The following AGPAT3 variants were observed in gnomAD, a reference collection of about 807,000 sequenced individuals.
AGPAT3 encodes 1-acyl-sn-glycerol-3-phosphate acyltransferase gamma.
In AGPAT3, 5 loss-of-function variants were observed where a neutral mutation model predicts 47.3. That is an observed-to-expected ratio of 0.11 (90% CI 0.06 to 0.22). The LOEUF is 0.22. Ranked by LOEUF, AGPAT3 falls within the 10% of genes least tolerant of loss-of-function variation. The pLI is 1.00. For synonymous variants in AGPAT3, 212 were observed against 208.3 expected, an observed-to-expected ratio of 1.02 and a Z score of -0.15; for missense variants, 315 against 493.0, an observed-to-expected ratio of 0.64 and a Z score of 3.42.
chr21:43,890,821 T>C (rs956942160), intron 1 of AGPAT3, among the ~76,000 whole-genome samples: 4 of 151,748 alleles, frequency 2.6e-5, no homozygotes, highest in Admixed American at 1.3e-4. Context: ...CACTGCAACC[T>C]CTACCTCCCA....
rs2087375912 is a variant in AGPAT3 at position 43,934,778 on chromosome 21, C to T, written c.-48-24856C>T. Among the ~76,000 whole-genome samples, 1 of 152,006 alleles carries T rather than the reference C, an allele frequency of 6.6e-6. No individual in the cohort carries two copies. Among genetic ancestry groups the T allele is most frequent in the Non-Finnish European group, 1.5e-5 (1 of 67,974 alleles). On this transcript the variant is annotated intron_variant, in intron 2 of 9. Coordinates refer to ENST00000291572, the MANE Select transcript of AGPAT3 (RefSeq NM_020132.5). This position sits in a 1 kb window ranked among gnomAD's most constrained non-coding sequence, Gnocchi z 4.7. ...CACGTGCTGCCATATCACATCACGC[C>T]ACCCACGCCACTCACACGCCACCCA... is the stretch of plus-strand genomic sequence containing the variant.
chr21:43,951,896 G>A (rs1011086792), intron 2 of AGPAT3, among the ~76,000 whole-genome samples: 2 of 152,166 alleles, frequency 1.3e-5, no homozygotes, highest in South Asian at 2.1e-4. Context: ...AGGCGTCTTC[G>A]GAAAGGTTGG....
intron 2 of AGPAT3, among the ~76,000 whole-genome samples, chr21:43,956,339 C>G (rs755288614): frequency 9.8e-5 from 15 of 152,318 alleles, no homozygotes; most frequent in Non-Finnish European, 1.9e-4. Context: ...TGGACTGGCA[C>G]TGGCTCTACT....
At chr21:43,960,722 G>A in intron 3 of AGPAT3, 2 of 985,380 alleles carry the variant, frequency 2.0e-6, no homozygotes, top group Non-Finnish European at 2.4e-6. Context: ...ATCATGGAGA[G>A]CCTTCATCTT....
intron 1 of AGPAT3, among the ~76,000 whole-genome samples, chr21:43,883,551 G>A (rs1460561423): frequency 6.6e-6 from 1 of 152,140 alleles, no homozygotes; most frequent in Non-Finnish European, 1.5e-5. Flanking sequence ...GGAATAGCAA[G>A]CCTGGGTATT....
Position 43,932,758 on chromosome 21 carries a change from C to CT in AGPAT3, c.-48-26872dup, listed in dbSNP as rs1191386557. On this transcript the variant is annotated intron_variant, in intron 2 of 9. Transcript: ENST00000291572. The surrounding 1 kb of genome is among the most constrained non-coding windows in gnomAD (Gnocchi z 5.2). Reference sequence around the variant, plus strand: ...CTCCGCCTCTTGGGTTCAAGCGATTCTTTTGCTTCAGCCTCCCGAGTAGCT... The same window carrying CT: ...CTCCGCCTCTTGGGTTCAAGCGATTCTTTTTGCTTCAGCCTCCCGAGTAGCT... Among the ~76,000 whole-genome samples the CT allele has an allele frequency of 6.6e-6, 1 of 152,250 alleles. No homozygotes were observed. Among genetic ancestry groups the CT allele is most frequent in the Non-Finnish European group, 1.5e-5 (1 of 68,054 alleles).
At chr21:43,895,562 C>A (rs2086196933) in intron 1 of AGPAT3, among the ~76,000 whole-genome samples, 1 of 105,990 alleles carries the variant, frequency 9.4e-6, no homozygotes, top group Non-Finnish European at 2.0e-5. Context: ...TTGAATTCCT[C>A]TTTTGAATTT....
intron 2 of AGPAT3, among the ~76,000 whole-genome samples, chr21:43,923,312 C>G (rs1451838159): frequency 6.6e-6 from 1 of 152,214 alleles, no homozygotes; most frequent in East Asian, 1.9e-4. Context: ...GGGAAGCAGC[C>G]TGCGCTGATG....
In AGPAT3 at chr21:43,954,151, C is replaced by T. The variant is rs542998973; in HGVS notation, c.-48-5483C>T. ...CCAGGCCCCTCCCAATGCTTTCCTG[C>T]TCTGCCAGCCCAAAGGACTTTGAAG... On this transcript the variant is annotated intron_variant, in intron 2 of 9. Coordinates refer to ENST00000291572, the MANE Select transcript of AGPAT3 (RefSeq NM_020132.5). The surrounding 1 kb of genome is among the most constrained non-coding windows in gnomAD (Gnocchi z 4.0). 2.0e-5 allele frequency among the ~76,000 whole-genome samples: 3 copies of T among 152,386 alleles called. No homozygotes were observed. The highest frequency in any genetic ancestry group is 7.2e-5 in the African/African-American group (3 of 41,592).
intron 1 of AGPAT3, among the ~76,000 whole-genome samples, chr21:43,888,410 T>C (rs1458682162): frequency 6.6e-6 from 1 of 152,170 alleles, no homozygotes; most frequent in East Asian, 1.9e-4. Flanking sequence ...TATATATATA[T>C]ATGAAAGCTA....
intron 1 of AGPAT3, among the ~76,000 whole-genome samples, chr21:43,865,646 G>A (rs1050088873): frequency 2.8e-4 from 43 of 150,960 alleles, no homozygotes; most frequent in African/African-American, 1.0e-3. Flanking sequence ...CCTCGGTGGC[G>A]CTGGGCCCAG....
At chr21:43,980,910 G>T (rs2146947736) in intron 8 of AGPAT3, 79 bp from the exon 9 acceptor site, 2,990 of 1,057,586 alleles carry the variant, frequency 2.8e-3, no homozygotes, top group East Asian at 3.6e-3. Context: ...GTTTTTCATT[G>T]CCAACAATCT....
chr21:43,918,065 GGTTGTGGGTGTTGTGGGT>G (rs1483618456), intron 2 of AGPAT3, among the ~76,000 whole-genome samples: 5 of 144,172 alleles, frequency 3.5e-5, no homozygotes, highest in Non-Finnish European at 1.5e-5. Flanking sequence ...TGGGTGTTGG[GGTTGTGGGTGTTGTGGGT>G]GTTGTGGGTG....
At position 43,970,919 on chromosome 21, in the gene AGPAT3, T is replaced by G. The variant is rs2089368708; in HGVS notation, c.664+113T>G. 1 of 1,263,616 alleles carries G rather than the reference T, an allele frequency of 7.9e-7. No individual in the cohort carries two copies. Among genetic ancestry groups the G allele is most frequent in the East Asian group, 2.8e-5 (1 of 35,168 alleles). 78.3% of individuals were successfully genotyped at this position (1,263,616 alleles called of 1,614,324 possible). A position where few individuals can be genotyped will look rare whatever the true frequency, so the allele number is the denominator to read the frequency against. On this transcript the variant is annotated intron_variant, in intron 6 of 9. Coordinates refer to ENST00000291572, the MANE Select transcript of AGPAT3 (RefSeq NM_020132.5). The surrounding 1 kb of genome is among the most constrained non-coding windows in gnomAD (Gnocchi z 5.8). ...CATGTGAAACACAGAAGAACAGAAG[T>G]GCAAAAGGAATCAAGTGAGGGGGTC...
At chr21:43,900,938 C>A (rs1444476564) in intron 1 of AGPAT3, among the ~76,000 whole-genome samples, 5 of 152,146 alleles carry the variant, frequency 3.3e-5, no homozygotes, top group Admixed American at 3.3e-4. Context: ...GCACCAAGTT[C>A]ACAGTGCCCA....
chr21:43,982,225 G>A lies in AGPAT3; in HGVS notation c.1043-79G>A. The A allele has an allele frequency of 9.4e-7, 1 of 1,067,650 alleles. No individual in the cohort carries two copies. Among genetic ancestry groups the A allele is most frequent in the Non-Finnish European group, 1.4e-6 (1 of 701,170 alleles). The allele number at this position is 1,067,650 out of a possible 1,614,324, so 66.1% of individuals were successfully genotyped here. A position where few individuals can be genotyped will look rare whatever the true frequency, so the allele number is the denominator to read the frequency against. On this transcript the variant is annotated intron_variant, in intron 9 of 9. Coordinates refer to ENST00000291572, the MANE Select transcript of AGPAT3 (RefSeq NM_020132.5). This position sits in a 1 kb window ranked among gnomAD's most constrained non-coding sequence, Gnocchi z 6.2. ...GGGACAGGGTCTGGGGCAGAGGAAG[G>A]AAGCCCCAGTAACACGTTTTACAGC...
At chr21:43,916,802 G>A (rs893865185) in intron 2 of AGPAT3, among the ~76,000 whole-genome samples, 1 of 152,162 alleles carries the variant, frequency 6.6e-6, no homozygotes, top group African/African-American at 2.4e-5. Context: ...CGCACACACA[G>A]CACAGACGCC....
In AGPAT3 at chr21:43,954,899, GTC is replaced by G; in HGVS notation, c.-48-4731_-48-4730del. The G allele has an allele frequency of 1.1e-5, 6 of 554,556 alleles. No homozygotes were observed. The highest frequency in any genetic ancestry group is 1.5e-5 in the Non-Finnish European group (6 of 405,880). The allele number at this position is 554,556 out of a possible 1,614,324, so 34.4% of individuals were successfully genotyped here. On this transcript the variant is annotated intron_variant, in intron 2 of 9. Transcript: ENST00000291572. The surrounding 1 kb of genome is among the most constrained non-coding windows in gnomAD (Gnocchi z 4.0). ...AGGGCAGGCGTGGGCTCTCCGGGGA[GTC>G]TCTGCGTAGACTTTCTAGCCCAGAG...
At position 43,960,681 on chromosome 21, in the gene AGPAT3, T is replaced by C. The variant is rs2088787407; in HGVS notation, c.178+822T>C. On this transcript the variant is annotated intron_variant, in intron 3 of 9. Coordinates refer to ENST00000291572, the MANE Select transcript of AGPAT3 (RefSeq NM_020132.5). ...AGCACCTGTCACTGGAGACTAATTA[T>C]GCGGCACCCATACAGGGACCCTCTG... The C allele has an allele frequency of 1.4e-5, 13 of 960,262 alleles. No individual in the cohort carries two copies. In the Admixed American group the frequency reaches 1.8e-4, roughly 14 times the overall value. The allele number at this position is 960,262 out of a possible 1,614,324, so 59.5% of individuals were successfully genotyped here.
Sources: allele counts gnomAD v4.1 joint callset (sites outside exome capture counted in the v4.1 genomes callset), GRCh38; gene constraint gnomAD v4.1.1; non-coding constraint Gnocchi (gnomAD v3.1); transcripts MANE v1.5; gene names NCBI Gene and HGNC (gene_info 2026-07-23, HGNC 2026-07-21).